Variants in CHD9 observed in about 807,000 individuals in gnomAD.
The protein encoded by CHD9 is chromodomain helicase DNA binding protein 9, also known as ATP-dependent chromatin remodeler CHD9.
A neutral mutation model predicts 316.1 loss-of-function variants in CHD9; 77 were observed. The observed-to-expected ratio is 0.24, with a 90% confidence interval of 0.20 to 0.29. The LOEUF (loss-of-function observed/expected upper bound fraction) is 0.29, where lower values mean the gene tolerates loss of function less well. CHD9 is among the 10% of genes least tolerant of loss of function. The probability of loss-of-function intolerance (pLI) is 1.00; values close to 1 mark genes in which losing one functional copy is unlikely to be tolerated. For synonymous variants in CHD9, 1,129 were observed against 1,158.3 expected, an observed-to-expected ratio of 0.97 and a Z score of 0.51; for missense variants, 2,763 against 3,438.1, an observed-to-expected ratio of 0.80 and a Z score of 4.91.
At chr16:53,301,678 T>G (rs532485431) in intron 30 of CHD9, among the ~76,000 whole-genome samples, 1 of 152,116 alleles carries the variant, frequency 6.6e-6, no homozygotes, top group Non-Finnish European at 1.5e-5. Flanking sequence ...TTTTTTGTTT[T>G]GAACTACTTT....
chr16:53,142,922 A>G (rs1048319471), intron 1 of CHD9, among the ~76,000 whole-genome samples: 16 of 152,194 alleles, frequency 1.1e-4, no homozygotes, highest in African/African-American at 3.6e-4. Context: ...AAGCATTCAC[A>G]AGAAGGCCCT....
Position 53,303,765 on chromosome 16 carries a change from G to A in CHD9, c.5759G>A (p.Arg1920His), listed in dbSNP as rs755983041. The change falls in exon 31 of 39, where the codon CGT becomes CAT. Residue 1920 changes from arginine (R) to histidine (H), a missense_variant. By Grantham distance (29) the Arg-to-His change is conservative. Coordinates refer to ENST00000447540, the MANE Select transcript of CHD9 (RefSeq NM_001308319.2). ...NIFIQPITEE[R>H]ASRTLYRIEL... ...TTTATCCAGCCCATCACAGAAGAAC[G>A]TGCTTCTAGGACTTTGTATCGCATT... 2 of 1,613,348 alleles carry A rather than the reference G, an allele frequency of 1.2e-6. No homozygotes were observed. The highest frequency in any genetic ancestry group is 1.7e-6 in the Non-Finnish European group (2 of 1,179,580).
chr16:53,269,171 G>A (rs1027774582), intron 22 of CHD9, among the ~76,000 whole-genome samples: 1 of 152,010 alleles, frequency 6.6e-6, no homozygotes, highest in African/African-American at 2.4e-5. Flanking sequence ...TCCTCTCAGA[G>A]GTATACGCTA....
intron 1 of CHD9, among the ~76,000 whole-genome samples, chr16:53,086,124 A>G (rs2035439663): frequency 1.3e-5 from 2 of 152,182 alleles, no homozygotes; most frequent in South Asian, 4.1e-4. Context: ...CAGAGCTTCA[A>G]GGGGACGTGC....
intron 2 of CHD9, among the ~76,000 whole-genome samples, chr16:53,181,629 A>G (rs888188757): frequency 6.6e-6 from 1 of 152,138 alleles, no homozygotes; most frequent in Non-Finnish European, 1.5e-5. Context: ...ATATAGGCAA[A>G]TCAAAGTGCT....
Position 53,190,199 on chromosome 16 carries a change from A to G in CHD9, c.1453-19283A>G, listed in dbSNP as rs536080479. ...CAGTTTACAATATGGCTTTCTTTCC[A>G]GATGGTAGAGGTGGGTGGAGACAAA... On this transcript the variant is annotated intron_variant, in intron 2 of 38. Coordinates refer to ENST00000447540, the MANE Select transcript of CHD9 (RefSeq NM_001308319.2). Among the ~76,000 whole-genome samples, 9 of 152,300 alleles carry G rather than the reference A, an allele frequency of 5.9e-5. No individual in the cohort carries two copies. The South Asian group carries it at 1.9e-3, about 32-fold the overall frequency.
intron 2 of CHD9, chr16:53,207,966 G>A (rs1255197690): frequency 2.2e-6 from 2 of 901,198 alleles, no homozygotes; most frequent in Admixed American, 1.2e-4. Flanking sequence ...GAAGGAGTCA[G>A]TATTTTTAAC....
At chr16:53,220,959 T>G (rs1048926660) in intron 3 of CHD9, among the ~76,000 whole-genome samples, 3 of 152,232 alleles carry the variant, frequency 2.0e-5, no homozygotes, top group Admixed American at 2.0e-4. Context: ...CCCTTTACTC[T>G]TCAGTAAGCG....
At chr16:53,308,594 A>T in intron 33 of CHD9, 92 bp from the exon 34 acceptor site, 1 of 860,752 alleles carries the variant, frequency 1.2e-6, no homozygotes, top group Non-Finnish European at 1.9e-6. Flanking sequence ...TTTTTACTTC[A>T]TTTTTTTTCC....
At chr16:53,152,819 A>G (rs1319209029) in intron 1 of CHD9, among the ~76,000 whole-genome samples, 1 of 152,192 alleles carries the variant, frequency 6.6e-6, no homozygotes, top group Non-Finnish European at 1.5e-5. Flanking sequence ...CAATATAGAG[A>G]TTTTATTTAA....
chr16:53,058,010 T>C (rs1471308720), intron 1 of CHD9, among the ~76,000 whole-genome samples: 1 of 152,236 alleles, frequency 6.6e-6, no homozygotes, highest in Non-Finnish European at 1.5e-5. Flanking sequence ...AAAGCTTGTC[T>C]GTTAGGTAAG....
intron 26 of CHD9, 41 bp from the exon 27 acceptor site, chr16:53,287,916 G>C: frequency 6.8e-7 from 1 of 1,466,416 alleles, no homozygotes; most frequent in Non-Finnish European, 9.6e-7. Flanking sequence ...GAAATCTTAA[G>C]TCCATTACAG....
At chr16:53,288,943 A>T (rs1223327268) in intron 27 of CHD9, among the ~76,000 whole-genome samples, 4 of 151,704 alleles carry the variant, frequency 2.6e-5, no homozygotes, top group Non-Finnish European at 5.9e-5. Flanking sequence ...AAAAACAAAA[A>T]GCACCTGTAA....
chr16:53,084,667 T>C (rs1475559978), intron 1 of CHD9, among the ~76,000 whole-genome samples: 4 of 152,262 alleles, frequency 2.6e-5, no homozygotes, highest in Non-Finnish European at 5.9e-5. Flanking sequence ...GGCTTGAACC[T>C]GGGAGGCGGA....
At chr16:53,231,301 T>G in intron 8 of CHD9, 118 bp from the exon 9 acceptor site, 1 of 540,536 alleles carries the variant, frequency 1.9e-6, no homozygotes, top group East Asian at 3.0e-5. Context: ...TTCCATTTAT[T>G]GGACATTTAA....
intron 2 of CHD9, among the ~76,000 whole-genome samples, chr16:53,178,679 T>C (rs2043263667): frequency 6.6e-6 from 1 of 152,164 alleles, no homozygotes; most frequent in African/African-American, 2.4e-5. Flanking sequence ...CCCAGGCTTA[T>C]CTTGAACTCC....
At chr16:53,062,194 A>G (rs1279487333) in intron 1 of CHD9, among the ~76,000 whole-genome samples, 2 of 152,180 alleles carry the variant, frequency 1.3e-5, no homozygotes, top group Non-Finnish European at 2.9e-5. Flanking sequence ...CTCCTCTTTC[A>G]TTGGAAAGAC....
chr16:53,253,408 A>G (rs1225704315), intron 17 of CHD9, among the ~76,000 whole-genome samples: 2 of 152,198 alleles, frequency 1.3e-5, no homozygotes, highest in African/African-American at 4.8e-5. Flanking sequence ...ACACAAAGGC[A>G]TAAGAATGGT....
At chr16:53,288,087 T>C in intron 27 of CHD9, 73 bp downstream of exon 27, 1 of 1,139,538 alleles carries the variant, frequency 8.8e-7, no homozygotes, top group South Asian at 1.3e-5. Flanking sequence ...CTTTTTCTTT[T>C]GCATTATATT....
Sources: allele counts gnomAD v4.1 joint callset (sites outside exome capture counted in the v4.1 genomes callset), GRCh38; gene constraint gnomAD v4.1.1; transcripts MANE v1.5; gene names NCBI Gene and HGNC (gene_info 2026-07-23, HGNC 2026-07-21).